PLEKHA4: variants seen among roughly 807,000 people sequenced by gnomAD.
The protein encoded by PLEKHA4 is pleckstrin homology domain containing A4.
In PLEKHA4, 73 loss-of-function variants were observed where a neutral mutation model predicts 94.7. The ratio of observed to expected loss-of-function variants is 0.77; its 90% CI spans 0.64 to 0.94. The LOEUF is 0.94. Among genes scored for constraint, PLEKHA4 ranks in the 40% least tolerant of loss-of-function variants. The probability of loss-of-function intolerance (pLI) is 0.00; values close to 1 mark genes in which losing one functional copy is unlikely to be tolerated. For synonymous variants in PLEKHA4, 449 were observed against 437.1 expected (o/e 1.03, Z -0.34); for missense variants, 1,049 against 1,054.1 (o/e 1.00, Z 0.07).
Position 48,845,289 on chromosome 19 carries a change from C to G in PLEKHA4, c.1743+81G>C, listed in dbSNP as rs1366651189. Reference sequence around the variant, plus strand: ...CTGCTCTGAGTATGGCCTTAGAACGCTCTACTCCTAGCTGTTTCCCAGAAG... The same window carrying G: ...CTGCTCTGAGTATGGCCTTAGAACGGTCTACTCCTAGCTGTTTCCCAGAAG... On this transcript the variant is annotated intron_variant, in intron 16 of 19. Transcript: ENST00000263265. The G allele has an allele frequency of 9.5e-6, 13 of 1,371,658 alleles. No homozygotes were observed. The East Asian group carries it at 2.5e-4, about 27-fold the overall frequency. 85.0% of individuals were successfully genotyped at this position (1,371,658 alleles called of 1,614,324 possible). A position where few individuals can be genotyped will look rare whatever the true frequency, so the allele number is the denominator to read the frequency against.
At position 48,859,385 on chromosome 19, in the gene PLEKHA4, G is replaced by C. The variant is rs1599920028; in HGVS notation, c.692+84C>G. The C allele has an allele frequency of 8.3e-6, 12 of 1,444,334 alleles. No individual in the cohort carries two copies. In the East Asian group the frequency reaches 2.6e-4, roughly 31 times the overall value. 89.5% of individuals were successfully genotyped at this position (1,444,334 alleles called of 1,614,324 possible). A position where few individuals can be genotyped will look rare whatever the true frequency, so the allele number is the denominator to read the frequency against. On this transcript the variant is annotated intron_variant, in intron 7 of 19. Transcript: ENST00000263265. ...CCAGCAAGTCACACACACTCAAGCAGAAAGCGCTAAGGCCCGCCCCCAACC... is the reference window on the plus strand; with the variant it reads ...CCAGCAAGTCACACACACTCAAGCACAAAGCGCTAAGGCCCGCCCCCAACC...
At chr19:48,865,681 A>G in intron 2 of PLEKHA4, 71 bp from the exon 3 acceptor site, 1 of 1,082,466 alleles carries the variant, frequency 9.2e-7, no homozygotes, top group Non-Finnish European at 1.4e-6. Flanking sequence ...GAGGGTGGAC[A>G]CAGGCAACCG....
intron 2 of PLEKHA4, among the ~76,000 whole-genome samples, chr19:48,866,161 C>T (rs2036828917): frequency 6.6e-6 from 1 of 151,774 alleles, no homozygotes; most frequent in Admixed American, 6.6e-5. Flanking sequence ...AACACTGCAG[C>T]CTTTACCTCC....
chr19:48,853,950 AG>A, intron 11 of PLEKHA4, 56 bp downstream of exon 11: 1 of 1,602,020 alleles, frequency 6.2e-7, no homozygotes, highest in Non-Finnish European at 8.5e-7. Flanking sequence ...GCATTCAGGA[AG>A]GGCTCAGGGC....
chr19:48,847,395 C>T (rs1265080487), intron 14 of PLEKHA4, among the ~76,000 whole-genome samples: 1 of 152,034 alleles, frequency 6.6e-6, no homozygotes, highest in African/African-American at 2.4e-5. Flanking sequence ...ATGATCACAC[C>T]ACTGCAGTCC....
At chr19:48,842,143 CTT>C (rs398059794) in intron 16 of PLEKHA4, among the ~76,000 whole-genome samples, 175 of 121,424 alleles carry the variant, frequency 1.4e-3, no homozygotes, top group African/African-American at 5.3e-3. Flanking sequence ...AATTTATTTT[CTT>C]TTTTTTTTTT....
chr19:48,853,808 C>T lies in PLEKHA4; in HGVS notation c.1200G>A (p.Glu400=), dbSNP rs2036297611. Reference sequence around the variant, plus strand: ...CTTGGCCCAGCTGTTGCCGGGTCAACTCCAGAGCTGCTTCTAGTTGCTCCT... The same window carrying T: ...CTTGGCCCAGCTGTTGCCGGGTCAATTCCAGAGCTGCTTCTAGTTGCTCCT... ...EEKEQLEAAL[E]LTRQQLGQAT... The change falls in exon 12 of 20, where the codon GAG becomes GAA. Residue 400 remains glutamate (E), a synonymous_variant. Transcript: ENST00000263265. The T allele has an allele frequency of 6.2e-7, 1 of 1,611,346 alleles. No homozygotes were observed. The highest frequency in any genetic ancestry group is 1.3e-5 in the African/African-American group (1 of 74,844).
chr19:48,860,852 AAAAAAAAAGGAAAGGAAAG>A (rs2036609988), intron 5 of PLEKHA4, among the ~76,000 whole-genome samples: 1 of 149,186 alleles, frequency 6.7e-6, no homozygotes, highest in Non-Finnish European at 1.5e-5. Context: ...AGAGAGAGAG[AAAAAAAAAGGAAAGGAAAG>A]GAAAAAGGAA....
At chr19:48,865,134 G>A (rs1169321927) in intron 3 of PLEKHA4, among the ~76,000 whole-genome samples, 3 of 151,928 alleles carry the variant, frequency 2.0e-5, no homozygotes, top group Admixed American at 6.6e-5. Flanking sequence ...ACTTGAGGTC[G>A]GGAGTTTCAG....
Position 48,859,060 on chromosome 19 carries a change from C to A in PLEKHA4, c.772G>T (p.Ala258Ser). 4 of 1,278,790 alleles carry A rather than the reference C, an allele frequency of 3.1e-6. No individual in the cohort carries two copies. Among genetic ancestry groups the A allele is most frequent in the Non-Finnish European group, 3.0e-6 (3 of 995,026 alleles). 79.2% of individuals were successfully genotyped at this position (1,278,790 alleles called of 1,614,324 possible). A position where few individuals can be genotyped will look rare whatever the true frequency, so the allele number is the denominator to read the frequency against. The change falls in exon 8 of 20, where the codon GCC becomes TCC. Residue 258 changes from alanine to serine, a missense_variant. Transcript: ENST00000263265. ...GGGGGTGCTGTGTCTCCTGAGGGGG[C>A]AGGGGGTCGCCGCGCAGGGGCAGAA... Reference protein sequence around the residue: ...PRSAPARRPPAPSGDTAPPAR... With the variant: ...PRSAPARRPPSPSGDTAPPAR...
intron 2 of PLEKHA4, among the ~76,000 whole-genome samples, chr19:48,865,963 G>A (rs562634530): frequency 2.6e-4 from 40 of 151,306 alleles, no homozygotes; most frequent in African/African-American, 8.5e-4. Context: ...GCAGTGAGCC[G>A]AGATCGCACC....
intron 13 of PLEKHA4, among the ~76,000 whole-genome samples, chr19:48,850,110 G>A (rs1351638574): frequency 1.3e-5 from 2 of 150,974 alleles, no homozygotes; most frequent in Non-Finnish European, 2.9e-5. Context: ...AGAGGCTGAG[G>A]CAGGAGAATC....
intron 9 of PLEKHA4, among the ~76,000 whole-genome samples, 163 bp from the exon 10 acceptor site, chr19:48,854,427 C>T (rs906536704): frequency 7.9e-5 from 12 of 152,042 alleles, no homozygotes; most frequent in Non-Finnish European, 2.9e-5. Context: ...GGTGTGCAGT[C>T]GTGCGATCAT....
chr19:48,837,782 C>T lies in PLEKHA4; in HGVS notation c.2078-231G>A, dbSNP rs531937728. Among the ~76,000 whole-genome samples, 1 of 151,498 alleles carries T rather than the reference C, an allele frequency of 6.6e-6. No homozygotes were observed. The highest frequency in any genetic ancestry group is 2.4e-5 in the African/African-American group (1 of 41,158). On this transcript the variant is annotated intron_variant, in intron 19 of 19. Coordinates refer to ENST00000263265, the MANE Select transcript of PLEKHA4 (RefSeq NM_020904.3). This position sits in a 1 kb window ranked among gnomAD's most constrained non-coding sequence, Gnocchi z 4.3. ...CGCCAGTCCAGTCCTCTTTGAGACT[C>T]AGTTGTCGGCCCTCTCCCCGCCCCC...
intron 13 of PLEKHA4, among the ~76,000 whole-genome samples, chr19:48,849,910 G>T (rs2036114289): frequency 6.6e-6 from 1 of 152,090 alleles, no homozygotes; most frequent in Admixed American, 6.6e-5. Flanking sequence ...ATCTGAAGTA[G>T]GTATTAAAAC....
At chr19:48,865,445 A>T in intron 3 of PLEKHA4, 58 bp downstream of exon 3, 1 of 1,340,264 alleles carries the variant, frequency 7.5e-7, no homozygotes, top group Non-Finnish European at 1.1e-6. Context: ...AAGGAGAGAG[A>T]CAGAGGACAG....
At chr19:48,848,985 G>A (rs35948270) in intron 13 of PLEKHA4, among the ~76,000 whole-genome samples, 21,908 of 151,058 alleles carry the variant, frequency 0.15, 1,997 homozygotes, top group African/African-American at 0.26. Context: ...CTGCATCCTC[G>A]AACTCTTGGG....
Position 48,861,459 on chromosome 19 carries a change from C to T in PLEKHA4, c.308G>A (p.Ser103Asn). 3 of 1,614,138 alleles carry T rather than the reference C, an allele frequency of 1.9e-6. No homozygotes were observed. The highest frequency in any genetic ancestry group is 2.5e-6 in the Non-Finnish European group (3 of 1,180,036). ...CGGCCCATCTGGTCTAATATTGTAG[C>T]TGGGGAGCAGGACGCTGCCTAGGAC... ...ESVLGSVLLP[S>N]YNIRPDGPGA... The change falls in exon 5 of 20, where the codon AGC (serine) becomes AAC (asparagine). Residue 103 changes from serine (S) to asparagine (N), a missense_variant. Transcript: ENST00000263265.
Position 48,854,364 on chromosome 19 carries a change from CTATT to C in PLEKHA4, c.1048-104_1048-101del, listed in dbSNP as rs377323563. On this transcript the variant is annotated intron_variant, in intron 9 of 19. Coordinates refer to ENST00000263265, the MANE Select transcript of PLEKHA4 (RefSeq NM_020904.3). ...CCTGTCTCTACTGATAGGTACTGCA[CTATT>C]TATTTATTTATTTATTTAGAGATAG... 3.7e-3 allele frequency: 3,698 copies of C among 1,001,058 alleles called. 18 individuals carry two copies. The highest frequency in any genetic ancestry group is 4.6e-3 in the Non-Finnish European group (2,982 of 645,000). The allele number at this position is 1,001,058 out of a possible 1,614,324, so 62.0% of individuals were successfully genotyped here. A position where few individuals can be genotyped will look rare whatever the true frequency, so the allele number is the denominator to read the frequency against.
Sources: allele counts gnomAD v4.1 joint callset (sites outside exome capture counted in the v4.1 genomes callset), GRCh38; gene constraint gnomAD v4.1.1; non-coding constraint Gnocchi (gnomAD v3.1); transcripts MANE v1.5; gene names NCBI Gene and HGNC (gene_info 2026-07-23, HGNC 2026-07-21).